Variants in PDE4D observed in about 807,000 individuals in gnomAD.
PDE4D encodes phosphodiesterase 4D.
A neutral mutation model predicts 87.4 loss-of-function variants in PDE4D; 24 were observed. The observed-to-expected ratio is 0.27, with a 90% confidence interval of 0.20 to 0.39. The LOEUF (loss-of-function observed/expected upper bound fraction) is 0.39. Ranked by LOEUF, PDE4D falls within the 10% of genes least tolerant of loss-of-function variation. The pLI is 1.00. For synonymous variants in PDE4D, 384 were observed against 383.2 expected, an observed-to-expected ratio of 1.00 and a Z score of -0.02; for missense variants, 714 against 1,041.0, an observed-to-expected ratio of 0.69 and a Z score of 4.32.
chr5:59,027,100 T>G (rs1326519628), intron 6 of PDE4D, among the ~76,000 whole-genome samples: 1 of 152,192 alleles, frequency 6.6e-6, no homozygotes, highest in Non-Finnish European at 1.5e-5. Context: ...AGGTTTTCCT[T>G]GTTTTTGATA....
At chr5:59,528,905 C>G in intron 1 of PDE4D, 1 of 373,286 alleles carries the variant, frequency 2.7e-6, no homozygotes, top group East Asian at 7.7e-5. Flanking sequence ...GCCACTCTGC[C>G]CTTGACCCTC....
Position 58,990,859 on chromosome 5 carries a change from A to T in PDE4D, c.1232T>A (p.Ile411Lys). Residue 411 changes from isoleucine (I) to lysine (K), a missense_variant, in exon 9 of 15, where the codon ATA (isoleucine) becomes AAA (lysine). Ile to Lys is a moderately radical substitution (Grantham distance 102). Around this residue, in one of 7 missense-constraint regions of PDE4D, gnomAD observed 141 missense variants for 204.3 expected, o/e 0.69. Coordinates refer to ENST00000340635, the MANE Select transcript of PDE4D (RefSeq NM_001104631.2). ...GGGCCGGTTACCAGACAACTCTGCT[A>T]TTCTGAAAACATGAAGACCCCATTT... Reference protein sequence around the residue: ...VNKWGLHVFRIAELSGNRPLT... With the variant: ...VNKWGLHVFRKAELSGNRPLT... 6.2e-7 allele frequency: 1 copy of T among 1,606,082 alleles called. No homozygotes were observed. Among genetic ancestry groups the T allele is most frequent in the Non-Finnish European group, 8.5e-7 (1 of 1,175,672 alleles).
chr5:59,058,737 A>T (rs1332563319), intron 5 of PDE4D, among the ~76,000 whole-genome samples: 1 of 151,976 alleles, frequency 6.6e-6, no homozygotes, highest in African/African-American at 2.4e-5. Flanking sequence ...CACTCCCAAC[A>T]GAACAGACAC....
rs1409354573 is a variant in PDE4D, at chr5:58,973,275, C to CTAACT, written c.*1384_*1388dup. On this transcript the variant is annotated 3_prime_UTR_variant, in exon 15 of 15. Coordinates refer to ENST00000340635, the MANE Select transcript of PDE4D (RefSeq NM_001104631.2). ...CTCGTGGTTGAAATGAATGTTAACC[C>CTAACT]TAACTTAACTACCTGTTTCTTTTCA... The CTAACT allele has an allele frequency of 1.3e-5, 2 of 152,102 alleles. No individual in the cohort carries two copies. The highest frequency in any genetic ancestry group is 1.9e-4 in the East Asian group (1 of 5,198). The allele number at this position is 152,102 out of a possible 1,614,324, so 9.4% of individuals were successfully genotyped here.
chr5:59,685,417 A>G (rs1019368254), intron 1 of PDE4D, among the ~76,000 whole-genome samples: 14 of 152,108 alleles, frequency 9.2e-5, no homozygotes, highest in African/African-American at 3.4e-4. Context: ...TCCTTCTACA[A>G]TATTATGCAC....
Position 59,051,443 on chromosome 5 carries a change from A to G in PDE4D, c.809-12472T>C, listed in dbSNP as rs1761539108. Among the ~76,000 whole-genome samples the G allele has an allele frequency of 2.0e-5, 3 of 152,246 alleles. No homozygotes were observed. In the South Asian group the frequency reaches 6.2e-4, roughly 32 times the overall value. On this transcript the variant is annotated intron_variant, in intron 5 of 14. Coordinates refer to ENST00000340635, the MANE Select transcript of PDE4D (RefSeq NM_001104631.2). ...AGTCAACTATGTAGGAAGAATATGT[A>G]TTTGTCATTGGTTAATGACAGAGCA...
At chr5:59,134,946 G>C (rs953216465) in intron 5 of PDE4D, among the ~76,000 whole-genome samples, 3 of 152,136 alleles carry the variant, frequency 2.0e-5, no homozygotes, top group Non-Finnish European at 4.4e-5. Context: ...CTGAGTTGGC[G>C]CCTCACAGGT....
chr5:60,077,988 TC>T (rs1255236714), intron 2 of PDE4D, among the ~76,000 whole-genome samples: 6 of 152,118 alleles, frequency 3.9e-5, no homozygotes, highest in African/African-American at 9.7e-5. Flanking sequence ...CTTCCCTCTA[TC>T]TGCCCTCAGT....
intron 5 of PDE4D, among the ~76,000 whole-genome samples, chr5:59,046,265 AAT>A (rs1354637529): frequency 2.0e-5 from 3 of 152,104 alleles, no homozygotes; most frequent in African/African-American, 7.2e-5. Flanking sequence ...CTAGAGAGGG[AAT>A]ATGTATGTGT....
At position 59,270,922 on chromosome 5, in the gene PDE4D, C is replaced by T. The variant is rs79315831; in HGVS notation, c.456-54954G>A. On this transcript the variant is annotated intron_variant, in intron 1 of 14. Transcript: ENST00000340635. ...TTCTCACCTGTAAAATTAGGATTAA[C>T]AACTCCTTCTTTTCAATATTGTAAT... is the stretch of plus-strand genomic sequence containing the variant. Among the ~76,000 whole-genome samples, 15 of 152,242 alleles carry T rather than the reference C, an allele frequency of 9.9e-5. No individual in the cohort carries two copies. The East Asian group carries it at 2.3e-3, about 24-fold the overall frequency.
intron 1 of PDE4D, among the ~76,000 whole-genome samples, chr5:60,499,977 G>A (rs983348564): frequency 6.6e-6 from 1 of 152,018 alleles, no homozygotes; most frequent in African/African-American, 2.4e-5. Flanking sequence ...TAGCAAATTT[G>A]CTTCTTTTCT....
intron 1 of PDE4D, among the ~76,000 whole-genome samples, chr5:59,759,834 C>T (rs1761756134): frequency 6.6e-6 from 1 of 152,192 alleles, no homozygotes; most frequent in Non-Finnish European, 1.5e-5. Flanking sequence ...CTACAGCCCT[C>T]CTCTGGGTTC....
intron 2 of PDE4D, among the ~76,000 whole-genome samples, chr5:60,091,780 C>T (rs1029337919): frequency 2.0e-5 from 3 of 152,094 alleles, no homozygotes; most frequent in Non-Finnish European, 2.9e-5. Flanking sequence ...GGGCCGGGCG[C>T]GGTGGCTCAC....
chr5:60,410,125 G>C, intron 1 of PDE4D, among the ~76,000 whole-genome samples: 1 of 152,162 alleles, frequency 6.6e-6, no homozygotes, highest in East Asian at 1.9e-4. Flanking sequence ...GGTAGGGCTG[G>C]GAGTCCAGGT....
At chr5:60,253,166 G>A (rs1159252537) in intron 1 of PDE4D, among the ~76,000 whole-genome samples, 1 of 151,858 alleles carries the variant, frequency 6.6e-6, no homozygotes, top group Non-Finnish European at 1.5e-5. Flanking sequence ...TTCTGCTGAC[G>A]GCAGTTGCTC....
chr5:59,078,525 T>TG (rs1766101702), intron 5 of PDE4D, among the ~76,000 whole-genome samples: 1 of 151,272 alleles, frequency 6.6e-6, no homozygotes, highest in African/African-American at 2.4e-5. Context: ...TTTTTTTTTT[T>TG]GGTGACAGGG....
intron 1 of PDE4D, among the ~76,000 whole-genome samples, chr5:59,528,206 G>A (rs955602633): frequency 6.6e-6 from 1 of 152,210 alleles, no homozygotes; most frequent in Non-Finnish European, 1.5e-5. Context: ...CAGAAACAGA[G>A]ATCCTATCAG....
intron 2 of PDE4D, among the ~76,000 whole-genome samples, chr5:60,184,197 T>C (rs527265571): frequency 4.3e-4 from 66 of 152,342 alleles, no homozygotes; most frequent in African/African-American, 1.5e-3. Context: ...AATAGGGAAA[T>C]GTTTAATGAC....
intron 1 of PDE4D, among the ~76,000 whole-genome samples, chr5:59,705,141 GAATTT>G (rs1234775197): frequency 4.6e-5 from 7 of 151,930 alleles, no homozygotes; most frequent in African/African-American, 1.7e-4. Context: ...TCTTTTTTTG[GAATTT>G]AATATTGACT....
Sources: allele counts gnomAD v4.1 joint callset (sites outside exome capture counted in the v4.1 genomes callset), GRCh38; gene constraint gnomAD v4.1.1; regional missense constraint gnomAD v4.1.1; transcripts MANE v1.5; gene names NCBI Gene and HGNC (gene_info 2026-07-23, HGNC 2026-07-21).